The following TTC27 variants were observed in gnomAD, a reference collection of about 807,000 sequenced individuals.
TTC27 encodes tetratricopeptide repeat protein 27.
Under a neutral mutation model 115.9 loss-of-function variants are expected in TTC27, and 79 were observed. The ratio of observed to expected loss-of-function variants is 0.68; its 90% CI spans 0.57 to 0.82. The LOEUF is 0.82. Among genes scored for constraint, TTC27 ranks in the 40% least tolerant of loss-of-function variants. The pLI, the probability that TTC27 is intolerant of heterozygous loss-of-function variation, is 0.00. For synonymous variants in TTC27, 401 were observed against 356.0 expected (o/e 1.13, Z -1.42); for missense variants, 1,054 against 993.1 (o/e 1.06, Z -0.82).
chr2:32,684,050 C>T (rs1231190378), intron 9 of TTC27, among the ~76,000 whole-genome samples: 3 of 152,048 alleles, frequency 2.0e-5, no homozygotes, highest in African/African-American at 7.2e-5. Flanking sequence ...CCCAGCTACT[C>T]AGGAGGCTGA....
At chr2:32,792,376 A>G (rs986421092) in intron 16 of TTC27, among the ~76,000 whole-genome samples, 20 of 152,356 alleles carry the variant, frequency 1.3e-4, no homozygotes, top group African/African-American at 4.6e-4. Context: ...AGGCTCAGCA[A>G]AGTGAATTAA....
intron 4 of TTC27, among the ~76,000 whole-genome samples, chr2:32,640,661 T>C (rs1159011585): frequency 6.6e-6 from 1 of 152,068 alleles, no homozygotes; most frequent in Non-Finnish European, 1.5e-5. Flanking sequence ...TAAATGTTCA[T>C]TTGCAGAAAT....
chr2:32,725,750 G>A (rs1471750700), intron 10 of TTC27, among the ~76,000 whole-genome samples: 1 of 152,316 alleles, frequency 6.6e-6, no homozygotes, highest in Non-Finnish European at 1.5e-5. Context: ...GACTCTGTGT[G>A]GTGGCTCCGA....
At chr2:32,666,837 A>T (rs989769276) in intron 7 of TTC27, 69 bp downstream of exon 7, 10 of 1,529,548 alleles carry the variant, frequency 6.5e-6, no homozygotes, top group Non-Finnish European at 8.9e-6. Flanking sequence ...GCTGAGTACC[A>T]TAGAAACACT....
At chr2:32,635,143 G>C (rs933674843) in intron 3 of TTC27, 2 of 152,178 alleles carry the variant, frequency 1.3e-5, no homozygotes, top group Non-Finnish European at 2.9e-5. Context: ...CTTGCAGTTT[G>C]AGTTCCTCAG....
At chr2:32,783,000 A>G (rs67361161) in intron 15 of TTC27, among the ~76,000 whole-genome samples, 7,288 of 152,296 alleles carry the variant, frequency 0.048, 249 homozygotes, top group Non-Finnish European at 0.073. Flanking sequence ...CTCAGTTGAC[A>G]GTTATTTTTA....
At chr2:32,681,713 G>T (rs890412819) in intron 9 of TTC27, among the ~76,000 whole-genome samples, 1 of 148,414 alleles carries the variant, frequency 6.7e-6, no homozygotes, top group Non-Finnish European at 1.5e-5. Flanking sequence ...GTAGGCTAAC[G>T]TATTTAAGGC....
At chr2:32,811,969 C>T (rs377277247) in intron 17 of TTC27, among the ~76,000 whole-genome samples, 9 of 152,272 alleles carry the variant, frequency 5.9e-5, no homozygotes, top group African/African-American at 1.9e-4. Context: ...GCCCAGAGAA[C>T]GTGTATCACC....
At chr2:32,761,916 CT>C (rs546651050) in intron 13 of TTC27, among the ~76,000 whole-genome samples, 11 of 152,266 alleles carry the variant, frequency 7.2e-5, no homozygotes, top group South Asian at 2.1e-4. Flanking sequence ...TCTTCAACTA[CT>C]TTTTTTCAGT....
chr2:32,736,664 G>C, intron 11 of TTC27, 30 bp from the exon 12 acceptor site: 1 of 1,613,170 alleles, frequency 6.2e-7, no homozygotes, highest in Non-Finnish European at 8.5e-7. Context: ...ACACCAAGAA[G>C]TATTAATTAT....
intron 16 of TTC27, among the ~76,000 whole-genome samples, chr2:32,798,103 A>AG (rs1670772041): frequency 5.5e-5 from 1 of 18,346 alleles, no homozygotes; most frequent in Non-Finnish European, 9.4e-5. Context: ...AAAAAAAATT[A>AG]AAAAAAAAAA....
chr2:32,666,692 A>T lies in TTC27; in HGVS notation c.863A>T (p.Asp288Val). The change falls in exon 7 of 20, where the codon GAT becomes GTT. Residue 288 changes from aspartate to valine, a missense_variant. Coordinates refer to ENST00000317907, the MANE Select transcript of TTC27 (RefSeq NM_017735.5). ...AATTATGTGGCACAACTGATTCTAG[A>T]TGTAAGAAGGGAAGGGGATGTCCTT... The part of the protein sequence containing the change: ...QENYVAQLIL[D>V]VRREGDVLSN... 7 of 1,614,050 alleles carry T rather than the reference A, an allele frequency of 4.3e-6. No homozygotes were observed. The highest frequency in any genetic ancestry group is 5.1e-6 in the Non-Finnish European group (6 of 1,179,958).
intron 13 of TTC27, among the ~76,000 whole-genome samples, chr2:32,769,540 T>G (rs569029040): frequency 7.2e-4 from 109 of 152,074 alleles, no homozygotes; most frequent in African/African-American, 2.6e-3. Flanking sequence ...GACCTTTACA[T>G]GGAGGAAGGC....
At chr2:32,769,985 T>C (rs1038053731) in intron 13 of TTC27, among the ~76,000 whole-genome samples, 1 of 152,054 alleles carries the variant, frequency 6.6e-6, no homozygotes, top group Non-Finnish European at 1.5e-5. Flanking sequence ...AATAAGGATG[T>C]GAATGGTCAG....
chr2:32,767,523 G>T (rs952228530), intron 13 of TTC27, among the ~76,000 whole-genome samples: 1 of 146,050 alleles, frequency 6.8e-6, no homozygotes, highest in Non-Finnish European at 1.5e-5. Context: ...CTGCAGTGGC[G>T]CAATCTCGGC....
intron 13 of TTC27, among the ~76,000 whole-genome samples, chr2:32,775,723 GA>G (rs199614718): frequency 4.0e-5 from 6 of 150,662 alleles, no homozygotes; most frequent in African/African-American, 1.5e-4. Flanking sequence ...ACTTTGTATA[GA>G]AAAAAAAATG....
chr2:32,772,300 A>C (rs757733634), intron 13 of TTC27, among the ~76,000 whole-genome samples: 1 of 152,124 alleles, frequency 6.6e-6, no homozygotes, highest in African/African-American at 2.4e-5. Flanking sequence ...TTCCTTTGTA[A>C]GCATCATTTT....
intron 10 of TTC27, among the ~76,000 whole-genome samples, chr2:32,710,703 A>G (rs932082827): frequency 3.9e-5 from 6 of 151,964 alleles, no homozygotes; most frequent in African/African-American, 9.7e-5. Flanking sequence ...TGCTGGGATT[A>G]CAGACGTGAG....
intron 10 of TTC27, among the ~76,000 whole-genome samples, chr2:32,703,181 C>T (rs1667250399): frequency 6.6e-6 from 1 of 152,088 alleles, no homozygotes; most frequent in Admixed American, 6.6e-5. Flanking sequence ...ATAATAACAG[C>T]ACTTAGGCTG....
Sources: allele counts gnomAD v4.1 joint callset (sites outside exome capture counted in the v4.1 genomes callset), GRCh38; gene constraint gnomAD v4.1.1; transcripts MANE v1.5; gene names NCBI Gene and HGNC (gene_info 2026-07-23, HGNC 2026-07-21).